The following ZBTB7C variants were observed in gnomAD, a reference collection of about 807,000 sequenced individuals.
ZBTB7C encodes the protein zinc finger and BTB domain-containing protein 7C.
A neutral mutation model predicts 25.7 loss-of-function variants in ZBTB7C; 8 were observed. That is an observed-to-expected ratio of 0.31 (90% CI 0.18 to 0.56). The LOEUF is 0.56. Among genes scored for constraint, ZBTB7C ranks in the 20% least tolerant of loss-of-function variants. The pLI is 0.91. For synonymous variants in ZBTB7C, 394 were observed against 369.0 expected, an observed-to-expected ratio of 1.07 and a Z score of -0.78; for missense variants, 824 against 855.2, an observed-to-expected ratio of 0.96 and a Z score of 0.46.
At chr18:48,313,909 G>A (rs2045882606) in intron 2 of ZBTB7C, among the ~76,000 whole-genome samples, 1 of 152,174 alleles carries the variant, frequency 6.6e-6, no homozygotes, top group Non-Finnish European at 1.5e-5. Context: ...TTGGTGATGA[G>A]TGAGTTCTCA....
chr18:48,402,566 T>A (rs1489137083), intron 1 of ZBTB7C, among the ~76,000 whole-genome samples: 2 of 152,194 alleles, frequency 1.3e-5, no homozygotes, highest in East Asian at 3.8e-4. Context: ...CCTGCTAAAA[T>A]CTTTGGTGAA....
At chr18:48,121,480 T>A (rs983502765) in intron 3 of ZBTB7C, among the ~76,000 whole-genome samples, 12 of 151,984 alleles carry the variant, frequency 7.9e-5, no homozygotes, top group Admixed American at 5.2e-4. Flanking sequence ...TTAGAACTAC[T>A]CCCAGCCCCC....
intron 2 of ZBTB7C, among the ~76,000 whole-genome samples, chr18:48,267,147 T>C (rs2044339435): frequency 6.6e-6 from 1 of 152,164 alleles, no homozygotes; most frequent in South Asian, 2.1e-4. Context: ...AAGCACAAGG[T>C]CATCTTCTTC....
At chr18:48,200,859 C>T (rs1464645199) in intron 2 of ZBTB7C, among the ~76,000 whole-genome samples, 15 of 152,216 alleles carry the variant, frequency 9.9e-5, no homozygotes, top group Admixed American at 9.8e-4. Flanking sequence ...GGCCCAGGTC[C>T]CCACCTGCCT....
chr18:48,292,833 G>A (rs773120616), intron 2 of ZBTB7C, among the ~76,000 whole-genome samples: 13 of 152,204 alleles, frequency 8.5e-5, no homozygotes, highest in Non-Finnish European at 1.6e-4. Context: ...GCTCCTTCAT[G>A]CTCTCACCCA....
At chr18:48,209,929 G>A (rs1453547429) in intron 2 of ZBTB7C, among the ~76,000 whole-genome samples, 2 of 152,102 alleles carry the variant, frequency 1.3e-5, no homozygotes, top group Non-Finnish European at 2.9e-5. Flanking sequence ...TATCTGATAA[G>A]GGACTTGTGT....
intron 3 of ZBTB7C, among the ~76,000 whole-genome samples, chr18:48,140,514 C>A (rs940928466): frequency 6.8e-6 from 1 of 146,142 alleles, no homozygotes; most frequent in Admixed American, 6.6e-5. Flanking sequence ...CTCAAGGCAA[C>A]CTGGGGTTCA....
chr18:48,170,869 G>A (rs1426439497), intron 3 of ZBTB7C, among the ~76,000 whole-genome samples: 3 of 152,106 alleles, frequency 2.0e-5, no homozygotes, highest in Non-Finnish European at 4.4e-5. Context: ...GGCCTCTGTG[G>A]TTGCTGTCCA....
At chr18:48,210,597 A>G (rs2042680196) in intron 2 of ZBTB7C, among the ~76,000 whole-genome samples, 1 of 152,238 alleles carries the variant, frequency 6.6e-6, no homozygotes, top group African/African-American at 2.4e-5. Flanking sequence ...TTTAAATTAC[A>G]TGTCCAGCAA....
At chr18:48,208,095 T>C (rs950003140) in intron 2 of ZBTB7C, among the ~76,000 whole-genome samples, 1 of 152,118 alleles carries the variant, frequency 6.6e-6, no homozygotes, top group Non-Finnish European at 1.5e-5. Context: ...GAATAAAGTA[T>C]AGCCAGGCAA....
chr18:48,301,603 G>A (rs905856294), intron 2 of ZBTB7C, among the ~76,000 whole-genome samples: 1 of 152,158 alleles, frequency 6.6e-6, no homozygotes, highest in Non-Finnish European at 1.5e-5. Context: ...GAGTGGCATT[G>A]TCACTAGCCA....
intron 2 of ZBTB7C, among the ~76,000 whole-genome samples, chr18:48,238,305 C>T (rs941141651): frequency 2.0e-5 from 3 of 152,214 alleles, no homozygotes; most frequent in Non-Finnish European, 2.9e-5. Flanking sequence ...AGCTCCCACT[C>T]GGATGGACAG....
chr18:48,225,215 C>A (rs2145316711), intron 2 of ZBTB7C, among the ~76,000 whole-genome samples: 1 of 151,920 alleles, frequency 6.6e-6, no homozygotes, highest in Admixed American at 6.5e-5. Context: ...ATGGGCTAAC[C>A]TGACATTATT....
At chr18:48,405,243 G>T (rs2048252543) in intron 1 of ZBTB7C, among the ~76,000 whole-genome samples, 1 of 152,274 alleles carries the variant, frequency 6.6e-6, no homozygotes, top group East Asian at 1.9e-4. Context: ...TTTGAGGAGT[G>T]GGTGGGTTAG....
chr18:48,090,998 A>G (rs1431667084), intron 3 of ZBTB7C, among the ~76,000 whole-genome samples: 1 of 152,166 alleles, frequency 6.6e-6, no homozygotes, highest in Non-Finnish European at 1.5e-5. Flanking sequence ...TAGCCATGAT[A>G]AAAAGGAAAA....
At chr18:48,132,032 C>G (rs1055918201) in intron 3 of ZBTB7C, among the ~76,000 whole-genome samples, 11 of 152,152 alleles carry the variant, frequency 7.2e-5, no homozygotes, top group African/African-American at 2.4e-4. Flanking sequence ...CAATTCCACT[C>G]CTAGGTATAT....
chr18:48,111,333 G>A (rs1340011101), intron 3 of ZBTB7C, among the ~76,000 whole-genome samples: 1 of 152,152 alleles, frequency 6.6e-6, no homozygotes, highest in Non-Finnish European at 1.5e-5. Context: ...ATGTCAGCAG[G>A]GACTTTGTTC....
chr18:48,334,688 C>T (rs561778870), intron 2 of ZBTB7C, among the ~76,000 whole-genome samples: 2 of 152,278 alleles, frequency 1.3e-5, no homozygotes, highest in East Asian at 3.9e-4. Flanking sequence ...AAAAGAACAG[C>T]CATATTTCGT....
In ZBTB7C at chr18:48,029,408, C is replaced by T. The variant is rs201043750; in HGVS notation, c.1712G>A (p.Gly571Glu). 3.2e-6 allele frequency: 5 copies of T among 1,573,370 alleles called. No individual in the cohort carries two copies. The African/African-American group carries it at 6.8e-5, about 22-fold the overall frequency. ...GGCCAGCGCGAAGGCCAGGAGGCCC[C>T]CCGCGTTCCTCTCAGCCTCCAGCTG... ...RAQLEAERNA[G>E]GLLAFALAEN... Residue 571 changes from glycine (G) to glutamate (E), a missense_variant, in exon 5 of 5, where the codon GGG becomes GAG. Gly to Glu is a moderately conservative substitution (Grantham distance 98). Around this residue, in one of 4 missense-constraint regions of ZBTB7C, gnomAD observed 342 missense variants for 307.0 expected, o/e 1.11. Transcript: ENST00000590800.
Sources: gnomAD v4.1 joint callset for allele counts (sites outside exome capture counted in the v4.1 genomes callset) on GRCh38, gnomAD v4.1.1 for gene constraint, gnomAD v4.1.1 regional missense constraint, MANE v1.5 for transcripts, NCBI Gene and HGNC (gene_info 2026-07-23, HGNC 2026-07-21) for gene names.